Variants in PLEKHH2 observed in about 807,000 individuals in gnomAD.
The protein encoded by PLEKHH2 is pleckstrin homology domain-containing family H member 2.
Under a neutral mutation model 187.9 loss-of-function variants are expected in PLEKHH2, and 129 were observed. The ratio of observed to expected loss-of-function variants is 0.69; its 90% CI spans 0.59 to 0.79. The LOEUF (loss-of-function observed/expected upper bound fraction) is 0.79, where lower values mean the gene tolerates loss of function less well. Ranked by LOEUF, PLEKHH2 falls within the 30% of genes least tolerant of loss-of-function variation. The pLI is 0.00. For missense variants in PLEKHH2, 2,076 were observed against 1,751.2 expected (o/e 1.19, Z -3.31); for synonymous variants, 686 against 605.6 (o/e 1.13, Z -1.95).
chr2:43,759,621 A>T (rs888361454), intron 27 of PLEKHH2, among the ~76,000 whole-genome samples: 1 of 152,154 alleles, frequency 6.6e-6, no homozygotes, highest in Non-Finnish European at 1.5e-5. Flanking sequence ...CTGTTGAAAC[A>T]TGTCTCTTTG....
In PLEKHH2 at chr2:43,746,027, C is replaced by A. The variant is rs75258295; in HGVS notation, c.3653+64C>A. 1,809 of 1,013,918 alleles carry A rather than the reference C, an allele frequency of 1.8e-3. 25 individuals carry two copies. The African/African-American group carries it at 0.027, about 15-fold the overall frequency. 62.8% of individuals were successfully genotyped at this position (1,013,918 alleles called of 1,614,324 possible). A position where few individuals can be genotyped will look rare whatever the true frequency, so the allele number is the denominator to read the frequency against. On this transcript the variant is annotated intron_variant, in intron 24 of 29. Transcript: ENST00000282406. ...ACAATATGTTCTAATAATGCACCTA[C>A]TATTTACCTTTCTATTGAATGCCTT...
chr2:43,721,448 C>G (rs1454001769), intron 16 of PLEKHH2, among the ~76,000 whole-genome samples: 1 of 152,150 alleles, frequency 6.6e-6, no homozygotes, highest in Non-Finnish European at 1.5e-5. Flanking sequence ...ACTTCTTGGT[C>G]TAGTGACCAC....
intron 8 of PLEKHH2, among the ~76,000 whole-genome samples, chr2:43,702,638 T>C (rs1197326491): frequency 6.7e-6 from 1 of 150,014 alleles, no homozygotes; most frequent in Non-Finnish European, 1.5e-5. Flanking sequence ...ACTGGCCAAG[T>C]CTGAGATTTT....
chr2:43,728,276 C>T (rs1352540910), intron 17 of PLEKHH2, among the ~76,000 whole-genome samples: 3 of 151,300 alleles, frequency 2.0e-5, no homozygotes, highest in African/African-American at 4.9e-5. Flanking sequence ...GTCAGGAGTT[C>T]GAGACCAGCC....
At chr2:43,671,877 A>G (rs1489336575) in intron 2 of PLEKHH2, among the ~76,000 whole-genome samples, 5 of 152,186 alleles carry the variant, frequency 3.3e-5, no homozygotes, top group African/African-American at 1.2e-4. Context: ...AGATTTTTGC[A>G]TCTGTGTTCA....
intron 26 of PLEKHH2, among the ~76,000 whole-genome samples, 158 bp downstream of exon 26, chr2:43,757,422 C>CT (rs564542581): frequency 0.32 from 44,775 of 139,342 alleles, 7,746 homozygotes; most frequent in South Asian, 0.45. Flanking sequence ...TTTTTTCTTT[C>CT]TTTTTTTTTT....
At chr2:43,752,657 A>T (rs1369504299) in intron 24 of PLEKHH2, among the ~76,000 whole-genome samples, 2 of 152,182 alleles carry the variant, frequency 1.3e-5, no homozygotes, top group Non-Finnish European at 1.5e-5. Flanking sequence ...TTGTCATGGC[A>T]GTATTCAGGT....
chr2:43,757,620 G>A (rs562857778), intron 26 of PLEKHH2, among the ~76,000 whole-genome samples: 32 of 151,872 alleles, frequency 2.1e-4, no homozygotes, highest in South Asian at 1.2e-3. Context: ...GGGTTTCACC[G>A]TGTTAGCCAG....
chr2:43,739,111 G>A (rs1671439984), intron 20 of PLEKHH2, among the ~76,000 whole-genome samples: 4 of 152,158 alleles, frequency 2.6e-5, no homozygotes, highest in South Asian at 2.1e-4. Context: ...GGCTGGCCTC[G>A]AACTCCTGAT....
At chr2:43,653,009 G>A (rs949928865) in intron 2 of PLEKHH2, among the ~76,000 whole-genome samples, 6 of 152,100 alleles carry the variant, frequency 3.9e-5, no homozygotes, top group African/African-American at 1.4e-4. Context: ...AAGTTCCTGG[G>A]ATGTAAAGCA....
chr2:43,666,230 C>T (rs896281630), intron 2 of PLEKHH2, among the ~76,000 whole-genome samples: 6 of 150,646 alleles, frequency 4.0e-5, no homozygotes, highest in Admixed American at 2.6e-4. Context: ...GGGAGTGACC[C>T]GATTTTCCAG....
At position 43,692,630 on chromosome 2, in the gene PLEKHH2, C is replaced by A; in HGVS notation, c.303C>A (p.Val101=). 1 of 1,613,318 alleles carries A rather than the reference C, an allele frequency of 6.2e-7. No individual in the cohort carries two copies. Among genetic ancestry groups the A allele is most frequent in the South Asian group, 1.1e-5 (1 of 90,958 alleles). ...CGCTAATACAGGAAAAAGATGACGT[C>A]ATTCAAAACTTGGAATTGCAACTTG... ...LESLIQEKDD[V]IQNLELQLEE... Residue 101 remains valine (V), a synonymous_variant, in exon 4 of 30, where the codon GTC becomes GTA. Coordinates refer to ENST00000282406, the MANE Select transcript of PLEKHH2 (RefSeq NM_172069.4).
At chr2:43,670,888 T>C (rs1667464759) in intron 2 of PLEKHH2, among the ~76,000 whole-genome samples, 3 of 152,202 alleles carry the variant, frequency 2.0e-5, no homozygotes, top group African/African-American at 7.2e-5. Context: ...GCTTATTTTG[T>C]TAGATTCATA....
intron 2 of PLEKHH2, chr2:43,675,365 T>A: frequency 6.4e-7 from 1 of 1,553,350 alleles, no homozygotes; most frequent in Middle Eastern, 1.7e-4. Flanking sequence ...GGTCTATTAT[T>A]CTCCAGGCCT....
At chr2:43,649,069 C>A (rs1284288208) in intron 2 of PLEKHH2, among the ~76,000 whole-genome samples, 1 of 151,902 alleles carries the variant, frequency 6.6e-6, no homozygotes, top group African/African-American at 2.4e-5. Flanking sequence ...TTTTTCATCA[C>A]AGTTTCCAAG....
Position 43,667,116 on chromosome 2 carries a change from G to A in PLEKHH2, c.124-11747G>A, listed in dbSNP as rs1487153771. On this transcript the variant is annotated intron_variant, in intron 2 of 29. Coordinates refer to ENST00000282406, the MANE Select transcript of PLEKHH2 (RefSeq NM_172069.4). Reference sequence around the variant, plus strand: ...ACAGAATTACAAGGATTTTTTTCTAGTGTGGAAAAGGAACATGGTTTTTGT... The same window carrying A: ...ACAGAATTACAAGGATTTTTTTCTAATGTGGAAAAGGAACATGGTTTTTGT... Among the ~76,000 whole-genome samples, 4 of 152,132 alleles carry A rather than the reference G, an allele frequency of 2.6e-5. 1 individual carries two copies. Among genetic ancestry groups the A allele is most frequent in the African/African-American group, 9.6e-5 (4 of 41,500 alleles).
chr2:43,692,335 C>T, intron 3 of PLEKHH2, 179 bp from the exon 4 acceptor site: 1 of 478,802 alleles, frequency 2.1e-6, no homozygotes, highest in Non-Finnish European at 3.7e-6. Context: ...CAAGGTAACA[C>T]CACTTGGTGA....
At chr2:43,692,766 T>G in intron 4 of PLEKHH2, 103 bp downstream of exon 4, 3 of 1,275,832 alleles carry the variant, frequency 2.4e-6, no homozygotes, top group Non-Finnish European at 3.3e-6. Context: ...TGGGGAGAAA[T>G]ATTGCTTATT....
chr2:43,706,669 C>T lies in PLEKHH2; in HGVS notation c.1821+253C>T, dbSNP rs113376849. ...TGTGATTCCCCCACCTCCCCATGGC[C>T]ATGAATTGTTTAAAGGAGACATATT... On this transcript the variant is annotated intron_variant, in intron 10 of 29. Coordinates refer to ENST00000282406, the MANE Select transcript of PLEKHH2 (RefSeq NM_172069.4). 2.9e-3 allele frequency among the ~76,000 whole-genome samples: 445 copies of T among 152,258 alleles called. 7 individuals are homozygous for T. The highest frequency in any genetic ancestry group is 0.01 in the African/African-American group (418 of 41,532).
Sources: gnomAD v4.1 joint callset for allele counts (sites outside exome capture counted in the v4.1 genomes callset) on GRCh38, gnomAD v4.1.1 for gene constraint, MANE v1.5 for transcripts, NCBI Gene and HGNC (gene_info 2026-07-23, HGNC 2026-07-21) for gene names.